The following SOX13 variants were observed in gnomAD, a reference collection of about 807,000 sequenced individuals.
The protein encoded by SOX13 is SRY-box transcription factor 13.
In SOX13, 28 loss-of-function variants were observed where a neutral mutation model predicts 71.8. The ratio of observed to expected loss-of-function variants is 0.39; its 90% confidence interval spans 0.29 to 0.53. The LOEUF (loss-of-function observed/expected upper bound fraction) is 0.53, where lower values mean the gene tolerates loss of function less well. SOX13 is among the 20% of genes least tolerant of loss of function. The probability of loss-of-function intolerance (pLI) is 0.70; values close to 1 mark genes in which losing one functional copy is unlikely to be tolerated. For synonymous variants in SOX13, 309 were observed against 317.8 expected (o/e 0.97, Z 0.29); for missense variants, 627 against 810.3 (o/e 0.77, Z 2.75).
chr1:204,124,530 T>C, intron 12 of SOX13, 111 bp from the exon 13 acceptor site: 2 of 844,764 alleles, frequency 2.4e-6, no homozygotes, highest in Non-Finnish European at 3.8e-6. Flanking sequence ...CTTGCACATA[T>C]ATTATCTTAT....
chr1:204,111,697 TC>T (rs550953976), intron 1 of SOX13, among the ~76,000 whole-genome samples: 9 of 145,114 alleles, frequency 6.2e-5, no homozygotes, highest in African/African-American at 1.3e-4. Context: ...AGTCTGTTAT[TC>T]CCCCCACCCC....
chr1:204,117,487 C>T, intron 6 of SOX13, 106 bp from the exon 7 acceptor site: 1 of 736,356 alleles, frequency 1.4e-6, no homozygotes, highest in Non-Finnish European at 2.3e-6. Context: ...CCTGCTTTAT[C>T]CCCTGTGCCT....
chr1:204,083,300 G>C (rs1655946133), intron 1 of SOX13, among the ~76,000 whole-genome samples: 1 of 152,124 alleles, frequency 6.6e-6, no homozygotes, highest in African/African-American at 2.4e-5. Context: ...TCCTGAGTCA[G>C]GACTGATGGG....
At chr1:204,116,246 T>A (rs766046268) in intron 4 of SOX13, 491 of 1,437,442 alleles carry the variant, frequency 3.4e-4, no homozygotes, top group Non-Finnish European at 4.5e-4. Flanking sequence ...GGGGCTGACA[T>A]GTCCCACTGT....
intron 2 of SOX13, among the ~76,000 whole-genome samples, chr1:204,113,360 C>T (rs907114355): frequency 6.6e-6 from 1 of 152,230 alleles, no homozygotes; most frequent in Non-Finnish European, 1.5e-5. Flanking sequence ...CCTGTACTTA[C>T]TCGCTTGATA....
rs199575511 is a variant in SOX13, at chr1:204,123,698, C to T, written c.1269C>T (p.His423=). Residue 423 remains histidine (H), a synonymous_variant, in exon 12 of 14, where the codon CAC becomes CAT. Transcript: ENST00000367204. This position sits in a 1 kb window ranked among gnomAD's most constrained non-coding sequence, Gnocchi z 5.0. ...RHFPESRNSS[H]IKRPMNAFMV... is the part of the protein sequence containing the mutation. ...TCCCCGAGTCCCGAAACAGCAGCCA[C>T]ATCAAGAGGCCCATGAACGCCTTCA... 196 of 1,614,048 alleles carry T rather than the reference C, an allele frequency of 1.2e-4. No individual in the cohort carries two copies. The highest frequency in any genetic ancestry group is 7.4e-4 in the South Asian group (67 of 91,086).
chr1:204,109,286 G>A, intron 1 of SOX13, among the ~76,000 whole-genome samples: 1 of 152,232 alleles, frequency 6.6e-6, no homozygotes, highest in East Asian at 1.9e-4. Flanking sequence ...GGTCTGATCA[G>A]CAAGGTGGAA....
chr1:204,124,897 T>G (rs1446574715), intron 13 of SOX13, 40 bp downstream of exon 13: 1 of 1,434,036 alleles, frequency 7.0e-7, no homozygotes, highest in Non-Finnish European at 9.6e-7. Context: ...AGACTGTGTG[T>G]ACATGTGTAG....
chr1:204,126,460 G>A lies in SOX13; in HGVS notation c.*326G>A, dbSNP rs1048602053. 1.1e-5 allele frequency: 4 copies of A among 351,530 alleles called. No individual in the cohort carries two copies. The East Asian group carries it at 1.7e-4, about 15-fold the overall frequency. The allele number at this position is 351,530 out of a possible 1,614,324, so 21.8% of individuals were successfully genotyped here. On this transcript the variant is annotated 3_prime_UTR_variant, in exon 14 of 14. Coordinates refer to ENST00000367204, the MANE Select transcript of SOX13 (RefSeq NM_005686.3). ...ATCCACCTGGGGTATGGCATCTACC[G>A]ACCTGTCTCCCTGGGGTCACATGCT... is the stretch of plus-strand genomic sequence containing the variant.
intron 1 of SOX13, among the ~76,000 whole-genome samples, chr1:204,104,388 C>T (rs1043305090): frequency 1.7e-4 from 26 of 152,350 alleles, no homozygotes; most frequent in African/African-American, 6.3e-4. Flanking sequence ...GCCAGTCCAG[C>T]TCCCAGCTCT....
At chr1:204,120,147 A>T (rs1228352194) in intron 7 of SOX13, among the ~76,000 whole-genome samples, 5 of 152,224 alleles carry the variant, frequency 3.3e-5, no homozygotes, top group Non-Finnish European at 5.9e-5. Context: ...TAAGCTGTCC[A>T]GTTTATGGCA....
intron 1 of SOX13, among the ~76,000 whole-genome samples, chr1:204,095,489 C>G (rs887384676): frequency 6.6e-6 from 1 of 152,070 alleles, no homozygotes; most frequent in Admixed American, 6.5e-5. Flanking sequence ...TAATTATGGC[C>G]TTGTGAACAC....
intron 1 of SOX13, among the ~76,000 whole-genome samples, chr1:204,076,856 T>C (rs1338472295): frequency 1.3e-5 from 2 of 152,250 alleles, no homozygotes; most frequent in Non-Finnish European, 1.5e-5. Context: ...TGCCAGGGCC[T>C]GTGCTACGCA....
intron 1 of SOX13, among the ~76,000 whole-genome samples, chr1:204,075,614 C>G (rs1655771705): frequency 6.6e-6 from 1 of 152,094 alleles, no homozygotes; most frequent in Non-Finnish European, 1.5e-5. Flanking sequence ...GGGTAGGGAC[C>G]CACCTACCTC....
Position 204,123,333 on chromosome 1 carries a change from T to G in SOX13, c.1231+125T>G, listed in dbSNP as rs1656851121. 7 of 780,898 alleles carry G rather than the reference T, an allele frequency of 9.0e-6. No homozygotes were observed. The highest frequency in any genetic ancestry group is 1.7e-5 in the African/African-American group (1 of 59,042). The allele number at this position is 780,898 out of a possible 1,614,324, so 48.4% of individuals were successfully genotyped here. On this transcript the variant is annotated intron_variant, in intron 11 of 13. Coordinates refer to ENST00000367204, the MANE Select transcript of SOX13 (RefSeq NM_005686.3). The surrounding 1 kb of genome is among the most constrained non-coding windows in gnomAD (Gnocchi z 5.0). ...CTGTTGGGTCCTTTCCAGGTGTGTG[T>G]GCCTCTGCTGTCCCATTATGTGTCT...
At chr1:204,074,513 A>T (rs1376402431) in intron 1 of SOX13, 1 of 152,098 alleles carries the variant, frequency 6.6e-6, no homozygotes, top group Non-Finnish European at 1.5e-5. Context: ...CGCGTTCCGT[A>T]CGTAAACACA....
At chr1:204,111,576 G>A (rs1302259100) in intron 1 of SOX13, among the ~76,000 whole-genome samples, 1 of 152,194 alleles carries the variant, frequency 6.6e-6, no homozygotes, top group Non-Finnish European at 1.5e-5. Context: ...GGTCTGCCAG[G>A]TATACCAGCT....
intron 1 of SOX13, among the ~76,000 whole-genome samples, chr1:204,096,238 C>CCTTTTTT (rs1491344524): frequency 1.6e-5 from 1 of 61,246 alleles, no homozygotes; most frequent in Non-Finnish European, 3.2e-5. Flanking sequence ...TTCTTTCTTT[C>CCTTTTTT]GTTTTTTTTT....
chr1:204,124,522 T>C (rs1261359411), intron 12 of SOX13, 119 bp from the exon 13 acceptor site: 2 of 796,132 alleles, frequency 2.5e-6, no homozygotes. Context: ...GCTAAGTGCT[T>C]GCACATATAT....
Sources: allele counts gnomAD v4.1 joint callset (sites outside exome capture counted in the v4.1 genomes callset), GRCh38; gene constraint gnomAD v4.1.1; non-coding constraint Gnocchi (gnomAD v3.1); transcripts MANE v1.5; gene names NCBI Gene and HGNC (gene_info 2026-07-23, HGNC 2026-07-21).